The following SH3GL2 variants were observed in gnomAD, a reference collection of about 807,000 sequenced individuals.
The protein encoded by SH3GL2 is endophilin-A1.
In SH3GL2, 24 loss-of-function variants were observed where a neutral mutation model predicts 46.0. The ratio of observed to expected loss-of-function variants is 0.52; its 90% CI spans 0.38 to 0.73. The LOEUF (loss-of-function observed/expected upper bound fraction) is 0.73. Ranked by LOEUF, SH3GL2 falls within the 30% of genes least tolerant of loss-of-function variation. The pLI, the probability that SH3GL2 is intolerant of heterozygous loss-of-function variation, is 0.00. For missense variants in SH3GL2, 413 were observed against 424.2 expected, an observed-to-expected ratio of 0.97 and a Z score of 0.23; for synonymous variants, 196 against 147.1, an observed-to-expected ratio of 1.33 and a Z score of -2.40.
intron 1 of SH3GL2, among the ~76,000 whole-genome samples, chr9:17,688,265 C>T (rs1360144396): frequency 1.3e-5 from 2 of 151,970 alleles, no homozygotes; most frequent in Non-Finnish European, 2.9e-5. Flanking sequence ...AATTTTCAAC[C>T]ACTGGAATTG....
At chr9:17,689,652 T>C (rs2118117774) in intron 1 of SH3GL2, among the ~76,000 whole-genome samples, 1 of 152,180 alleles carries the variant, frequency 6.6e-6, no homozygotes, top group South Asian at 2.1e-4. Flanking sequence ...CCCTTGAATA[T>C]GCAAGGTTAT....
In SH3GL2 at chr9:17,756,629, T is replaced by C. The variant is rs543609285; in HGVS notation, c.115-4808T>C. Among the ~76,000 whole-genome samples, 13 of 152,190 alleles carry C rather than the reference T, an allele frequency of 8.5e-5. No homozygotes were observed. In the East Asian group the frequency reaches 2.5e-3, roughly 30 times the overall value. On this transcript the variant is annotated intron_variant, in intron 2 of 8. Coordinates refer to ENST00000380607, the MANE Select transcript of SH3GL2 (RefSeq NM_003026.5). ...CTGAGAATGATGGTTTCCAGCTTCA[T>C]CCACGTCCCTACAAAGGACATGAAC...
chr9:17,743,602 C>CACACACACACACA (rs1822596232), intron 1 of SH3GL2, among the ~76,000 whole-genome samples: 2 of 65,930 alleles, frequency 3.0e-5, no homozygotes, highest in Non-Finnish European at 6.3e-5. Flanking sequence ...ACACACACAC[C>CACACACACACACA]CCAAATAGTT....
At chr9:17,641,891 C>T (rs1819693180) in intron 1 of SH3GL2, among the ~76,000 whole-genome samples, 1 of 152,152 alleles carries the variant, frequency 6.6e-6, no homozygotes, top group Admixed American at 6.5e-5. Flanking sequence ...AATAATGCTG[C>T]AATAAACATA....
chr9:17,788,683 A>G (rs964310074), intron 5 of SH3GL2, among the ~76,000 whole-genome samples: 25 of 152,090 alleles, frequency 1.6e-4, no homozygotes, highest in Non-Finnish European at 5.9e-5. Flanking sequence ...CTCAGCATGG[A>G]GCATTAGATA....
At chr9:17,642,470 G>A (rs1819708581) in intron 1 of SH3GL2, among the ~76,000 whole-genome samples, 1 of 152,156 alleles carries the variant, frequency 6.6e-6, no homozygotes, top group South Asian at 2.1e-4. Flanking sequence ...TTCTTCTAGG[G>A]TTTTTATGGT....
At position 17,767,037 on chromosome 9, in the gene SH3GL2, G is replaced by A. The variant is rs145489166; in HGVS notation, c.187+5528G>A. On this transcript the variant is annotated intron_variant, in intron 3 of 8. Coordinates refer to ENST00000380607, the MANE Select transcript of SH3GL2 (RefSeq NM_003026.5). ...TCCAGACTTAGCATCCTTGTTATGA[G>A]AGAGGCCTTTTCAGTTTGCACTGAG... 6.8e-4 allele frequency among the ~76,000 whole-genome samples: 103 copies of A among 152,326 alleles called. 1 individual carries two copies. The East Asian group carries it at 0.019, about 28-fold the overall frequency.
At chr9:17,627,177 G>T (rs931482846) in intron 1 of SH3GL2, among the ~76,000 whole-genome samples, 1 of 152,176 alleles carries the variant, frequency 6.6e-6, no homozygotes, top group East Asian at 1.9e-4. Flanking sequence ...GGAATAAAAC[G>T]TCAGCTGCTG....
intron 1 of SH3GL2, among the ~76,000 whole-genome samples, chr9:17,708,609 C>G (rs765552743): frequency 1.3e-5 from 2 of 151,886 alleles, no homozygotes; most frequent in African/African-American, 4.8e-5. Flanking sequence ...CCATGAACAC[C>G]TGGTCAGGTG....
At chr9:17,699,558 T>A (rs1821293691) in intron 1 of SH3GL2, among the ~76,000 whole-genome samples, 3 of 152,176 alleles carry the variant, frequency 2.0e-5, no homozygotes, top group Admixed American at 2.0e-4. Flanking sequence ...TCCACCAATC[T>A]CCTGCTGCCA....
rs546624893 is a variant in SH3GL2 at position 17,642,802 on chromosome 9, G to T, written c.45+63515G>T. Among the ~76,000 whole-genome samples, 26 of 152,124 alleles carry T rather than the reference G, an allele frequency of 1.7e-4. No homozygotes were observed. In the East Asian group the frequency reaches 5.0e-3, roughly 29 times the overall value. ...GTAGCGTGATACCTCCAGCTTTGTT[G>T]TTTTTGCTTAGGATTGTCTTGGCTA... is the stretch of plus-strand genomic sequence containing the variant. On this transcript the variant is annotated intron_variant, in intron 1 of 8. Coordinates refer to ENST00000380607, the MANE Select transcript of SH3GL2 (RefSeq NM_003026.5).
intron 3 of SH3GL2, among the ~76,000 whole-genome samples, chr9:17,783,705 C>T (rs942862935): frequency 3.3e-5 from 5 of 152,060 alleles, no homozygotes; most frequent in African/African-American, 9.7e-5. Flanking sequence ...AATAGGTCAG[C>T]CTTTTATGGT....
intron 3 of SH3GL2, among the ~76,000 whole-genome samples, chr9:17,785,765 C>G (rs561147135): frequency 2.2e-4 from 33 of 152,248 alleles, no homozygotes; most frequent in Admixed American, 1.3e-3. Flanking sequence ...CTAATTTTCT[C>G]TAGTTATGTG....
chr9:17,641,625 G>A (rs964803890), intron 1 of SH3GL2, among the ~76,000 whole-genome samples: 1 of 152,062 alleles, frequency 6.6e-6, no homozygotes, highest in Non-Finnish European at 1.5e-5. Flanking sequence ...AGTGTGTGAT[G>A]TTCCCCTCCC....
chr9:17,594,452 T>C (rs922256647), intron 1 of SH3GL2, among the ~76,000 whole-genome samples: 1 of 149,178 alleles, frequency 6.7e-6, no homozygotes, highest in Non-Finnish European at 1.5e-5. Flanking sequence ...GAAAATTGCA[T>C]GTTGTGGGAG....
intron 2 of SH3GL2, among the ~76,000 whole-genome samples, chr9:17,747,813 A>G (rs1009626925): frequency 6.6e-6 from 1 of 151,950 alleles, no homozygotes. Flanking sequence ...ATCTGGGATT[A>G]CAGGCACGCA....
At chr9:17,595,397 A>G (rs376651945) in intron 1 of SH3GL2, among the ~76,000 whole-genome samples, 47 of 152,362 alleles carry the variant, frequency 3.1e-4, no homozygotes, top group African/African-American at 9.4e-4. Flanking sequence ...GACATTTTTC[A>G]TTGTTTAGAT....
intron 1 of SH3GL2, among the ~76,000 whole-genome samples, chr9:17,733,444 G>A (rs2118432342): frequency 6.6e-6 from 1 of 151,898 alleles, no homozygotes; most frequent in Admixed American, 6.6e-5. Context: ...CAGTTAGAAT[G>A]GCAATCATTA....
At chr9:17,580,194 C>G in intron 1 of SH3GL2, among the ~76,000 whole-genome samples, 1 of 152,128 alleles carries the variant, frequency 6.6e-6, no homozygotes, top group East Asian at 1.9e-4. Context: ...CTTTTTTATC[C>G]TTCTGAAATA....
Sources: allele counts gnomAD v4.1 joint callset (sites outside exome capture counted in the v4.1 genomes callset), GRCh38; gene constraint gnomAD v4.1.1; transcripts MANE v1.5; gene names NCBI Gene and HGNC (gene_info 2026-07-23, HGNC 2026-07-21).